POLR3B: variants seen among roughly 807,000 people sequenced by gnomAD.
POLR3B encodes RNA polymerase III subunit B, also known as DNA-directed RNA polymerase III subunit RPC2.
Under a neutral mutation model 147.4 loss-of-function variants are expected in POLR3B, and 96 were observed. The ratio of observed to expected loss-of-function variants is 0.65; its 90% CI spans 0.55 to 0.77. The LOEUF is 0.77. Ranked by LOEUF, POLR3B falls within the 30% of genes least tolerant of loss-of-function variation. The probability of loss-of-function intolerance (pLI) is 0.00; values close to 1 mark genes in which losing one functional copy is unlikely to be tolerated. For synonymous variants in POLR3B, 461 were observed against 485.9 expected (o/e 0.95, Z 0.67); for missense variants, 1,036 against 1,413.5 (o/e 0.73, Z 4.28).
At chr12:106,448,866 T>C (rs1371465572) in intron 19 of POLR3B, among the ~76,000 whole-genome samples, 1 of 152,196 alleles carries the variant, frequency 6.6e-6, no homozygotes, top group African/African-American at 2.4e-5. Flanking sequence ...TTCTATGTAA[T>C]GTTACCTATA....
intron 9 of POLR3B, among the ~76,000 whole-genome samples, chr12:106,391,252 C>T (rs1221350179): frequency 2.0e-5 from 3 of 152,110 alleles, no homozygotes; most frequent in Admixed American, 6.6e-5. Context: ...GTTTCCATGA[C>T]ATGGTAGCTA....
At position 106,378,157 on chromosome 12, in the gene POLR3B, A is replaced by G. The variant is rs10861587; in HGVS notation, c.497-110A>G. The G allele has an allele frequency of 0.32, 246,091 of 776,774 alleles. 43,729 individuals are homozygous for G. The highest frequency in any genetic ancestry group is 0.61 in the African/African-American group (36,003 of 58,896). 48.1% of individuals were successfully genotyped at this position (776,774 alleles called of 1,614,324 possible). On this transcript the variant is annotated intron_variant, in intron 7 of 27. Transcript: ENST00000228347. ...TTTGAATCAAGTGTTAGCCAGTGCC[A>G]TGAAGCAGTAGTAGAAAAGGTAATC...
chr12:106,475,384 G>A lies in POLR3B; in HGVS notation c.2713+11764G>A, dbSNP rs1307183518. 2.4e-4 allele frequency among the ~76,000 whole-genome samples: 23 copies of A among 96,502 alleles called. 4 individuals are homozygous for A. Among genetic ancestry groups the A allele is most frequent in the Non-Finnish European group, 3.9e-4 (19 of 49,008 alleles). The allele number at this position is 96,502 out of a possible 152,430, so 63.3% of individuals were successfully genotyped here. A position where few individuals can be genotyped will look rare whatever the true frequency, so the allele number is the denominator to read the frequency against. On this transcript the variant is annotated intron_variant, in intron 23 of 27. Coordinates refer to ENST00000228347, the MANE Select transcript of POLR3B (RefSeq NM_018082.6). Reference sequence around the variant, plus strand: ...AGTTTTGTAGATGTCTATTAGGTCCGCTTGGTGCAGAGCTGAGTTCAATTC... The same window carrying A: ...AGTTTTGTAGATGTCTATTAGGTCCACTTGGTGCAGAGCTGAGTTCAATTC...
intron 23 of POLR3B, among the ~76,000 whole-genome samples, chr12:106,479,965 A>G (rs1257960479): frequency 6.7e-6 from 1 of 148,950 alleles, no homozygotes; most frequent in Admixed American, 6.7e-5. Context: ...GGCATGCACC[A>G]CCATGCCTGG....
chr12:106,453,738 G>A (rs546281623), intron 19 of POLR3B, among the ~76,000 whole-genome samples: 2 of 152,248 alleles, frequency 1.3e-5, no homozygotes, highest in South Asian at 4.2e-4. Flanking sequence ...GGAAATGAGA[G>A]AAAGGGTTAA....
intron 4 of POLR3B, 34 bp downstream of exon 4, chr12:106,366,756 G>T: frequency 6.8e-7 from 1 of 1,471,286 alleles, no homozygotes; most frequent in Non-Finnish European, 9.5e-7. Context: ...TGCTATGTGG[G>T]TTACATCTAA....
At position 106,369,614 on chromosome 12, in the gene POLR3B, CT is replaced by C. The variant is rs2036577352; in HGVS notation, c.336del (p.Ile113LeufsTer26). Reference sequence around the variant, plus strand: ...TTGAGAGACATGACATACTCTGCCCCTATTACAGTGGATATTGAATATACCC... The same window carrying C: ...TTGAGAGACATGACATACTCTGCCCCATTACAGTGGATATTGAATATACCC... ...CRLRDMTYSA[P>X]ITVDIEYTRG... On this transcript the variant is annotated frameshift_variant, in exon 6 of 28. Transcript: ENST00000228347. LOFTEE classifies it high-confidence loss of function. The C allele has an allele frequency of 6.2e-6, 10 of 1,612,558 alleles. No individual in the cohort carries two copies. The highest frequency in any genetic ancestry group is 8.5e-6 in the Non-Finnish European group (10 of 1,178,722).
chr12:106,496,685 G>A, intron 24 of POLR3B, 67 bp from the exon 25 acceptor site: 2 of 1,354,552 alleles, frequency 1.5e-6, no homozygotes, highest in Non-Finnish European at 2.1e-6. Context: ...ATGAGCTGGA[G>A]ATAAATAAGC....
At chr12:106,457,007 T>C in intron 20 of POLR3B, 131 bp from the exon 21 acceptor site, 1 of 771,460 alleles carries the variant, frequency 1.3e-6, no homozygotes, top group Admixed American at 2.0e-5. Context: ...CCCAGATTAT[T>C]ATCAAATACA....
intron 24 of POLR3B, chr12:106,496,387 C>G: frequency 1.6e-6 from 1 of 632,294 alleles, no homozygotes; most frequent in South Asian, 1.8e-5. Context: ...GTGGAGTCTT[C>G]TGAGTGATGA....
intron 1 of POLR3B, 181 bp downstream of exon 1, chr12:106,358,132 G>C: frequency 6.8e-7 from 1 of 1,481,350 alleles, no homozygotes; most frequent in South Asian, 1.3e-5. Flanking sequence ...CCGCGTGCGC[G>C]AGTGAAGGCT....
chr12:106,367,676 A>T lies in POLR3B; in HGVS notation c.227+954A>T, dbSNP rs185853760. Among the ~76,000 whole-genome samples the T allele has an allele frequency of 3.9e-5, 6 of 152,336 alleles. No individual in the cohort carries two copies. The East Asian group carries it at 1.2e-3, about 29-fold the overall frequency. ...GTTCTCACTGATTCGTATTGGGGTT[A>T]CAGATGCCAATATATTTTATTACTA... On this transcript the variant is annotated intron_variant, in intron 4 of 27. Coordinates refer to ENST00000228347, the MANE Select transcript of POLR3B (RefSeq NM_018082.6).
At chr12:106,391,972 CTA>C (rs1431787856) in intron 9 of POLR3B, among the ~76,000 whole-genome samples, 1 of 152,170 alleles carries the variant, frequency 6.6e-6, no homozygotes, top group East Asian at 1.9e-4. Flanking sequence ...AAGAAGCTGA[CTA>C]TTACTCTTCC....
intron 26 of POLR3B, among the ~76,000 whole-genome samples, chr12:106,502,088 T>C (rs2137085768): frequency 6.6e-6 from 1 of 152,340 alleles, no homozygotes; most frequent in East Asian, 1.9e-4. Context: ...GCAGTGGTTC[T>C]CAGCCAGGGA....
intron 24 of POLR3B, 157 bp from the exon 25 acceptor site, chr12:106,496,595 C>T (rs1475508282): frequency 2.6e-5 from 18 of 687,550 alleles, no homozygotes; most frequent in East Asian, 1.9e-4. Flanking sequence ...TATTGAGAGG[C>T]GTAAAATTAG....
At chr12:106,402,493 G>T (rs921986695) in intron 10 of POLR3B, among the ~76,000 whole-genome samples, 43 of 152,220 alleles carry the variant, frequency 2.8e-4, no homozygotes, top group Middle Eastern at 3.4e-3. Flanking sequence ...AAAAGAGCCC[G>T]CATCGCCAAG....
chr12:106,425,235 A>G (rs1337904392), intron 12 of POLR3B, among the ~76,000 whole-genome samples: 1 of 152,132 alleles, frequency 6.6e-6, no homozygotes, highest in Admixed American at 6.5e-5. Context: ...TCCCTGTGGT[A>G]TCTGGCCCCT....
chr12:106,445,948 A>T (rs2037717570), intron 19 of POLR3B, among the ~76,000 whole-genome samples: 1 of 152,242 alleles, frequency 6.6e-6, no homozygotes, highest in Admixed American at 6.5e-5. Context: ...AGCTACAGAG[A>T]AATAAAAAGC....
intron 22 of POLR3B, among the ~76,000 whole-genome samples, chr12:106,462,967 A>G (rs2037960670): frequency 6.6e-6 from 1 of 151,682 alleles, no homozygotes; most frequent in Admixed American, 6.6e-5. Flanking sequence ...CCTTGATTGG[A>G]TTGTGAGCTC....
Sources: gnomAD v4.1 joint callset for allele counts (sites outside exome capture counted in the v4.1 genomes callset) on GRCh38, gnomAD v4.1.1 for gene constraint, MANE v1.5 for transcripts, NCBI Gene and HGNC (gene_info 2026-07-23, HGNC 2026-07-21) for gene names.